The following EMC8 variants were observed in gnomAD, a reference collection of about 807,000 sequenced individuals.
EMC8 encodes ER membrane protein complex subunit 8, also known as COX4 neighbor.
EMC8 carries 11 observed loss-of-function variants against 24.3 expected under a neutral mutation model. The observed-to-expected ratio is 0.45, with a 90% CI of 0.28 to 0.75. The LOEUF (loss-of-function observed/expected upper bound fraction) is 0.75. EMC8 is among the 30% of genes least tolerant of loss of function. The pLI is 0.12. For synonymous variants in EMC8, 145 were observed against 117.7 expected, an observed-to-expected ratio of 1.23 and a Z score of -1.50; for missense variants, 277 against 282.7, an observed-to-expected ratio of 0.98 and a Z score of 0.14.
At chr16:85,790,708 G>GC (rs1398098057) in intron 1 of EMC8, among the ~76,000 whole-genome samples, 2 of 152,052 alleles carry the variant, frequency 1.3e-5, no homozygotes, top group East Asian at 1.9e-4. Flanking sequence ...CCACATCTCT[G>GC]CCCCCCGGGT....
chr16:85,795,243 G>A (rs191742024), intron 1 of EMC8, among the ~76,000 whole-genome samples: 1 of 152,202 alleles, frequency 6.6e-6, no homozygotes, highest in Non-Finnish European at 1.5e-5. Flanking sequence ...GCTCCTAGAA[G>A]TTTCTGACAG....
chr16:85,792,980 C>T (rs1291650167), intron 1 of EMC8: 3 of 152,220 alleles, frequency 2.0e-5, no homozygotes, highest in African/African-American at 7.2e-5. Flanking sequence ...GATATAGACA[C>T]CTTCCGCATT....
chr16:85,792,371 G>C (rs1905053391), intron 1 of EMC8: 1 of 152,176 alleles, frequency 6.6e-6, no homozygotes, highest in Admixed American at 6.5e-5. Context: ...GCTCTGGCCT[G>C]GCTTTAGAAT....
chr16:85,797,529 C>T (rs1364991037), intron 1 of EMC8, among the ~76,000 whole-genome samples: 4 of 152,196 alleles, frequency 2.6e-5, no homozygotes, highest in Non-Finnish European at 4.4e-5. Flanking sequence ...TTATAAATAT[C>T]ATCTAAGTAT....
Position 85,779,550 on chromosome 16 carries a change from C to G in EMC8, c.*158G>C. On this transcript the variant is annotated 3_prime_UTR_variant, in exon 5 of 5. Transcript: ENST00000253457. ...TTCTAGAGACTCTGTGTTAAAAACA[C>G]GACCGACTGAACATTCTGCCCCCTT... 2.9e-6 allele frequency: 2 copies of G among 684,304 alleles called. No homozygotes were observed. Among genetic ancestry groups the G allele is most frequent in the Non-Finnish European group, 4.9e-6 (2 of 406,278 alleles). 42.4% of individuals were successfully genotyped at this position (684,304 alleles called of 1,614,324 possible).
intron 2 of EMC8, among the ~76,000 whole-genome samples, chr16:85,788,101 G>A (rs938308205): frequency 1.4e-4 from 21 of 152,148 alleles, no homozygotes; most frequent in Admixed American, 3.3e-4. Context: ...CGTTATATAC[G>A]GCGTGGACTT....
In EMC8 at chr16:85,799,431, A is replaced by AC; in HGVS notation, c.-137dup. On this transcript the variant is annotated 5_prime_UTR_variant, in exon 1 of 5. Coordinates refer to ENST00000253457, the MANE Select transcript of EMC8 (RefSeq NM_006067.5). This position sits in a 1 kb window ranked among gnomAD's most constrained non-coding sequence, Gnocchi z 4.2. ...TGGCGCGGCCGCGGGCTGGCGGGGG[A>AC]CCCTTCAGGCCCGGCCCCGTTTGGG... 2.0e-6 allele frequency: 1 copy of AC among 498,160 alleles called. No homozygotes were observed. 30.9% of individuals were successfully genotyped at this position (498,160 alleles called of 1,614,324 possible). A position where few individuals can be genotyped will look rare whatever the true frequency, so the allele number is the denominator to read the frequency against.
intron 2 of EMC8, among the ~76,000 whole-genome samples, chr16:85,786,642 G>C (rs16939732): frequency 0.029 from 4,449 of 152,244 alleles, 218 homozygotes; most frequent in African/African-American, 0.1. Flanking sequence ...CTGACAAATG[G>C]CTGCTCCGGA....
At position 85,782,561 on chromosome 16, in the gene EMC8, C is replaced by T. The variant is rs543998126; in HGVS notation, c.309-1281G>A. Among the ~76,000 whole-genome samples, 4 of 152,314 alleles carry T rather than the reference C, an allele frequency of 2.6e-5. No homozygotes were observed. In the East Asian group the frequency reaches 7.7e-4, roughly 29 times the overall value. On this transcript the variant is annotated intron_variant, in intron 2 of 4. Transcript: ENST00000253457. The stretch of plus-strand genomic sequence containing the variant: ...TTCAGGGAAAAACAAAAGCATTGAA[C>T]CGGTTCCCTCTAGCTGCTGTCCAGC...
chr16:85,785,146 C>A (rs1369330408), intron 2 of EMC8: 1 of 152,398 alleles, frequency 6.6e-6, no homozygotes, highest in Non-Finnish European at 1.5e-5. Context: ...TGAGGTCTTG[C>A]TATGTTGCCC....
chr16:85,791,371 A>T (rs1905003572), intron 1 of EMC8, among the ~76,000 whole-genome samples: 1 of 152,196 alleles, frequency 6.6e-6, no homozygotes, highest in African/African-American at 2.4e-5. Flanking sequence ...TTACATAGGT[A>T]TCCATGTGTC....
intron 2 of EMC8, among the ~76,000 whole-genome samples, chr16:85,782,333 A>T (rs115210553): frequency 2.5e-4 from 38 of 152,264 alleles, no homozygotes; most frequent in African/African-American, 8.7e-4. Flanking sequence ...CCGCCACCCA[A>T]CCCTGATAAA....
chr16:85,794,866 C>T (rs1905183546), intron 1 of EMC8, among the ~76,000 whole-genome samples: 2 of 152,128 alleles, frequency 1.3e-5, no homozygotes, highest in East Asian at 1.9e-4. Flanking sequence ...AGGAATGAGG[C>T]GCGGGAGCAA....
At chr16:85,785,394 AC>A (rs1567828388) in intron 2 of EMC8, among the ~76,000 whole-genome samples, 2 of 151,768 alleles carry the variant, frequency 1.3e-5, no homozygotes, top group African/African-American at 4.8e-5. Flanking sequence ...ACACGGTGAA[AC>A]CCCGTCTCTA....
chr16:85,796,696 C>A (rs55682514), intron 1 of EMC8, among the ~76,000 whole-genome samples: 121 of 152,324 alleles, frequency 7.9e-4, no homozygotes, highest in African/African-American at 2.7e-3. Context: ...CCACTATTTT[C>A]TCCTGCTCTT....
intron 1 of EMC8, among the ~76,000 whole-genome samples, chr16:85,790,096 C>G (rs1363739670): frequency 6.6e-6 from 1 of 151,900 alleles, no homozygotes; most frequent in African/African-American, 2.4e-5. Context: ...TTTGAATACA[C>G]TGTAATAAAG....
At chr16:85,787,509 C>G (rs1904807587) in intron 2 of EMC8, 1 of 152,308 alleles carries the variant, frequency 6.6e-6, no homozygotes, top group Non-Finnish European at 1.5e-5. Flanking sequence ...GTAACAAAGA[C>G]TAAGATGGAT....
In EMC8 at chr16:85,799,248, C is replaced by G; in HGVS notation, c.48G>C (p.Leu16=). The G allele has an allele frequency of 6.2e-7, 1 of 1,612,836 alleles. No individual in the cohort carries two copies. The highest frequency in any genetic ancestry group is 8.5e-7 in the Non-Finnish European group (1 of 1,179,852). The change falls in exon 1 of 5, where the codon CTG becomes CTC. Residue 16 remains leucine (L), a synonymous_variant. Coordinates refer to ENST00000253457, the MANE Select transcript of EMC8 (RefSeq NM_006067.5). The surrounding 1 kb of genome is among the most constrained non-coding windows in gnomAD (Gnocchi z 4.2). ...CGCAGTGCGGGTACTTGGCGCCGTG[C>G]AGCACCATCTTGCAGTAGGCCTGGG... The part of the protein sequence containing the change: ...LTTQAYCKMV[L]HGAKYPHCAV...
rs568871017 is a variant in EMC8, at chr16:85,779,468, T to C, written c.*240A>G. 7 of 431,004 alleles carry C rather than the reference T, an allele frequency of 1.6e-5. No individual in the cohort carries two copies. The highest frequency in any genetic ancestry group is 8.0e-5 in the East Asian group (2 of 24,896). The allele number at this position is 431,004 out of a possible 1,614,324, so 26.7% of individuals were successfully genotyped here. On this transcript the variant is annotated 3_prime_UTR_variant, in exon 5 of 5. Transcript: ENST00000253457. Reference sequence around the variant, plus strand: ...GAAAGAGCTTTGATTTGGAGGATTATAGCAACATACAACTGAGAGAGTCCA... The same window carrying C: ...GAAAGAGCTTTGATTTGGAGGATTACAGCAACATACAACTGAGAGAGTCCA...
Sources: gnomAD v4.1 joint callset for allele counts (sites outside exome capture counted in the v4.1 genomes callset) on GRCh38, gnomAD v4.1.1 for gene constraint, Gnocchi (gnomAD v3.1) non-coding constraint, MANE v1.5 for transcripts, NCBI Gene and HGNC (gene_info 2026-07-23, HGNC 2026-07-21) for gene names.